The following SCARB2 variants were observed in gnomAD, a reference collection of about 807,000 sequenced individuals.
The protein encoded by SCARB2 is lysosome membrane protein 2.
SCARB2 carries 29 observed loss-of-function variants against 58.6 expected under a neutral mutation model. The ratio of observed to expected loss-of-function variants is 0.49; its 90% CI spans 0.37 to 0.67. SCARB2 has a LOEUF of 0.67. Among genes scored for constraint, SCARB2 ranks in the 30% least tolerant of loss-of-function variants. SCARB2 has a pLI of 0.00. For synonymous variants in SCARB2, 195 were observed against 210.1 expected, an observed-to-expected ratio of 0.93 and a Z score of 0.62; for missense variants, 488 against 578.5, an observed-to-expected ratio of 0.84 and a Z score of 1.60.
chr4:76,215,040 A>G (rs1021307146), upstream of SCARB2, among the ~76,000 whole-genome samples: 1 of 152,252 alleles, frequency 6.6e-6, no homozygotes, highest in Non-Finnish European at 1.5e-5. Flanking sequence ...GAAGTCTGGC[A>G]TCTCCCAGAA....
rs749098073 is a variant in SCARB2 at position 76,195,781 on chromosome 4, G to A, written c.201C>T (p.Phe67=). The A allele has an allele frequency of 2.5e-6, 4 of 1,613,872 alleles. No individual in the cohort carries two copies. The highest frequency in any genetic ancestry group is 3.4e-6 in the Non-Finnish European group (4 of 1,179,742). The change falls in exon 2 of 12, where the codon TTC becomes TTT. Residue 67 remains phenylalanine, a synonymous_variant. Transcript: ENST00000264896. ...PLPVYTQFYF[F]NVTNPEEILR... ...GGATCTCCTCTGGATTGGTGACATT[G>A]AAGAAATAGAACTGAGTATACACAG...
chr4:76,195,595 A>G, intron 2 of SCARB2, 112 bp downstream of exon 2: 1 of 889,880 alleles, frequency 1.1e-6, no homozygotes, highest in South Asian at 1.4e-5. Flanking sequence ...ATGAAATCAG[A>G]AAGTGTGCTC....
intron 2 of SCARB2, among the ~76,000 whole-genome samples, chr4:76,183,424 C>T (rs1285784177): frequency 6.6e-6 from 1 of 152,138 alleles, no homozygotes; most frequent in Non-Finnish European, 1.5e-5. Context: ...TGCTTGGGCT[C>T]AATTAATTTG....
At chr4:76,228,995 A>G (rs974187440) in intron 1 of SCARB2, among the ~76,000 whole-genome samples, 2 of 152,182 alleles carry the variant, frequency 1.3e-5, no homozygotes, top group African/African-American at 2.4e-5. Context: ...GCTGTTTAAC[A>G]TAATCCCTAA....
chr4:76,227,071 G>C (rs1186311167), intron 1 of SCARB2, among the ~76,000 whole-genome samples: 1 of 151,858 alleles, frequency 6.6e-6, no homozygotes, highest in Non-Finnish European at 1.5e-5. Flanking sequence ...TGCTGGGTTT[G>C]GGTTTGGTTT....
chr4:76,230,160 G>A (rs1057065873), intron 1 of SCARB2, among the ~76,000 whole-genome samples: 5 of 152,152 alleles, frequency 3.3e-5, no homozygotes, highest in African/African-American at 1.2e-4. Context: ...TGGGTGCAGG[G>A]TTAGACAAGT....
chr4:76,171,771 C>T (rs1444704988), intron 7 of SCARB2, among the ~76,000 whole-genome samples: 2 of 152,088 alleles, frequency 1.3e-5, no homozygotes, highest in African/African-American at 4.8e-5. Flanking sequence ...AGATCACAAC[C>T]AGGAACTTGT....
At chr4:76,232,489 A>G (rs1040962949) in intron 1 of SCARB2, among the ~76,000 whole-genome samples, 1 of 152,234 alleles carries the variant, frequency 6.6e-6, no homozygotes, top group Non-Finnish European at 1.5e-5. Flanking sequence ...ACACTTGGAA[A>G]CACAATTGAC....
At chr4:76,220,612 G>T (rs1358757796) in intron 1 of SCARB2, among the ~76,000 whole-genome samples, 2 of 152,226 alleles carry the variant, frequency 1.3e-5, no homozygotes, top group Non-Finnish European at 2.9e-5. Context: ...GACAGAGCTA[G>T]ATCCTGTCTC....
intron 7 of SCARB2, chr4:76,173,732 C>A: frequency 3.9e-6 from 1 of 256,820 alleles, no homozygotes; most frequent in Non-Finnish European, 7.6e-6. Context: ...TGGCATACAT[C>A]AGGTGCTTAG....
chr4:76,228,043 G>A (rs920840207), intron 1 of SCARB2, among the ~76,000 whole-genome samples: 19 of 151,836 alleles, frequency 1.3e-4, no homozygotes, highest in Non-Finnish European at 4.4e-5. Context: ...TCAGTATTGA[G>A]ATGTAAGGTA....
At chr4:76,189,658 G>T (rs540523176) in intron 2 of SCARB2, among the ~76,000 whole-genome samples, 22 of 152,054 alleles carry the variant, frequency 1.4e-4, no homozygotes, top group African/African-American at 4.3e-4. Flanking sequence ...TTTTAGTAGA[G>T]ACAGGGTTTC....
At chr4:76,197,804 G>A (rs148783703) in intron 1 of SCARB2, among the ~76,000 whole-genome samples, 157 of 152,274 alleles carry the variant, frequency 1.0e-3, no homozygotes, top group Non-Finnish European at 2.0e-3. Flanking sequence ...GTCCGGATTA[G>A]GAGGAGTCTT....
chr4:76,213,495 G>A lies in SCARB2; in HGVS notation c.49C>T (p.Leu17=), dbSNP rs1398260696. ...ACCAGCAGCGTGACGCTGGTCACCA[G>A]CAGGAGCAGGGACAACGTCCCCGCC... The part of the protein sequence containing the change: ...YTAGTLSLLL[L]VTSVTLLVAR... The change falls in exon 1 of 12, where the codon CTG becomes TTG. Residue 17 remains leucine, a synonymous_variant. Coordinates refer to ENST00000264896, the MANE Select transcript of SCARB2 (RefSeq NM_005506.4). 1 of 1,611,326 alleles carries A rather than the reference G, an allele frequency of 6.2e-7. No homozygotes were observed. Among genetic ancestry groups the A allele is most frequent in the Non-Finnish European group, 8.5e-7 (1 of 1,178,920 alleles).
chr4:76,162,866 A>G, intron 11 of SCARB2: 2 of 451,678 alleles, frequency 4.4e-6, no homozygotes, highest in Admixed American at 3.8e-5. Flanking sequence ...TAAGTGGCAG[A>G]ACTGGGATTT....
intron 1 of SCARB2, among the ~76,000 whole-genome samples, chr4:76,229,679 G>GC (rs1733460136): frequency 6.6e-6 from 1 of 152,182 alleles, no homozygotes; most frequent in Non-Finnish European, 1.5e-5. Flanking sequence ...TGATTCCTGT[G>GC]ATGTGATCCA....
chr4:76,212,993 A>T, intron 1 of SCARB2: 1 of 274,248 alleles, frequency 3.6e-6, no homozygotes. Flanking sequence ...CCGCACACCC[A>T]CGTCTCATCC....
At position 76,160,763 on chromosome 4, in the gene SCARB2, G is replaced by A. The variant is rs1392776647; in HGVS notation, c.*950C>T. On this transcript the variant is annotated 3_prime_UTR_variant, in exon 12 of 12. Transcript: ENST00000264896. Reference sequence around the variant, plus strand: ...GTGTAACTTAGGCTGTAGATAGATGGATTTCCCATATTCATAATTTTACAA... The same window carrying A: ...GTGTAACTTAGGCTGTAGATAGATGAATTTCCCATATTCATAATTTTACAA... The A allele has an allele frequency of 6.6e-6, 1 of 152,108 alleles. No homozygotes were observed. The highest frequency in any genetic ancestry group is 1.5e-5 in the Non-Finnish European group (1 of 68,020). The allele number at this position is 152,108 out of a possible 1,614,324, so 9.4% of individuals were successfully genotyped here.
rs766451142 is a variant in SCARB2, at chr4:76,209,102, G to A, written c.117+4325C>T. 8.5e-5 allele frequency among the ~76,000 whole-genome samples: 13 copies of A among 152,132 alleles called. No individual in the cohort carries two copies. The South Asian group carries it at 1.2e-3, about 15-fold the overall frequency. On this transcript the variant is annotated intron_variant, in intron 1 of 11. Transcript: ENST00000264896. ...TCCAAGAGCCTCAATTTCCTTGACCGTAAGATAACAGATTTAAGATATCTT... is the reference window on the plus strand; with the variant it reads ...TCCAAGAGCCTCAATTTCCTTGACCATAAGATAACAGATTTAAGATATCTT...
Sources: allele counts gnomAD v4.1 joint callset (sites outside exome capture counted in the v4.1 genomes callset), GRCh38; gene constraint gnomAD v4.1.1; transcripts MANE v1.5; gene names NCBI Gene and HGNC (gene_info 2026-07-23, HGNC 2026-07-21).